Variants in PPP1R9A observed in about 807,000 individuals in gnomAD.
PPP1R9A encodes the protein protein phosphatase 1 regulatory subunit 9A, also known as neurabin-1.
PPP1R9A carries 59 observed loss-of-function variants against 141.9 expected under a neutral mutation model. The observed-to-expected ratio is 0.42, with a 90% CI of 0.34 to 0.52. PPP1R9A has a LOEUF of 0.52. PPP1R9A is among the 20% of genes least tolerant of loss of function. The pLI is 0.10. For missense variants in PPP1R9A, 1,444 were observed against 1,611.9 expected, an observed-to-expected ratio of 0.90 and a Z score of 1.78; for synonymous variants, 500 against 569.7, an observed-to-expected ratio of 0.88 and a Z score of 1.74.
At chr7:95,125,517 C>T (rs1823405439) in intron 4 of PPP1R9A, among the ~76,000 whole-genome samples, 1 of 152,026 alleles carries the variant, frequency 6.6e-6, no homozygotes, top group African/African-American at 2.4e-5. Context: ...AATGATTTTC[C>T]AGTCCTCATT....
At position 95,183,448 on chromosome 7, in the gene PPP1R9A, C is replaced by CTTTT. The variant is rs766642929; in HGVS notation, c.1755-14884_1755-14881dup. Among the ~76,000 whole-genome samples, 283 of 102,980 alleles carry CTTTT rather than the reference C, an allele frequency of 2.7e-3. 5 individuals are homozygous for CTTTT. The highest frequency in any genetic ancestry group is 4.3e-3 in the Non-Finnish European group (231 of 53,918). 67.6% of individuals were successfully genotyped at this position (102,980 alleles called of 152,430 possible). The stretch of plus-strand genomic sequence containing the variant: ...AGTCACCCTTCCTGGCAAAAATATT[C>CTTTT]TTTTTTTTTTTTTTTTTTTTGAGAC... On this transcript the variant is annotated intron_variant, in intron 5 of 19. Transcript: ENST00000433360.
At chr7:95,084,284 GCA>G (rs1319907284) in intron 2 of PPP1R9A, among the ~76,000 whole-genome samples, 1 of 151,986 alleles carries the variant, frequency 6.6e-6, no homozygotes, top group Non-Finnish European at 1.5e-5. Flanking sequence ...ATACCTAAGG[GCA>G]GAGAACTTAG....
intron 8 of PPP1R9A, among the ~76,000 whole-genome samples, chr7:95,241,062 A>T (rs1797383723): frequency 6.6e-6 from 1 of 152,136 alleles, no homozygotes; most frequent in Admixed American, 6.6e-5. Flanking sequence ...TAGCAGTCTG[A>T]CATCTAGGGC....
chr7:95,036,215 A>G (rs1411829256), intron 2 of PPP1R9A: 1 of 152,226 alleles, frequency 6.6e-6, no homozygotes, highest in African/African-American at 2.4e-5. Context: ...AAATAGGACA[A>G]GTAAAATAGA....
chr7:95,266,646 T>A (rs1051632707), intron 12 of PPP1R9A, among the ~76,000 whole-genome samples: 1 of 152,104 alleles, frequency 6.6e-6, no homozygotes, highest in Non-Finnish European at 1.5e-5. Context: ...GATTGGTACC[T>A]CATGGGGCTG....
chr7:95,113,781 G>A (rs1820989891), intron 3 of PPP1R9A, among the ~76,000 whole-genome samples: 1 of 152,162 alleles, frequency 6.6e-6, no homozygotes, highest in Non-Finnish European at 1.5e-5. Flanking sequence ...GTAATTCACT[G>A]TCCAATTTAG....
At chr7:95,034,984 C>T (rs1273537350) in intron 2 of PPP1R9A, among the ~76,000 whole-genome samples, 2 of 152,110 alleles carry the variant, frequency 1.3e-5, no homozygotes, top group African/African-American at 4.8e-5. Context: ...TGATCTGAAC[C>T]AGGCTGTGTT....
chr7:95,050,308 A>T (rs901909643), intron 2 of PPP1R9A, among the ~76,000 whole-genome samples: 2 of 152,052 alleles, frequency 1.3e-5, no homozygotes, highest in Non-Finnish European at 2.9e-5. Context: ...CTGTTTAATC[A>T]AATTGATTGT....
intron 7 of PPP1R9A, among the ~76,000 whole-genome samples, chr7:95,225,033 C>T (rs1001056198): frequency 1.3e-5 from 2 of 151,928 alleles, no homozygotes; most frequent in African/African-American, 4.8e-5. Flanking sequence ...CTTGATGCTG[C>T]CAGGAGAGGA....
intron 2 of PPP1R9A, among the ~76,000 whole-genome samples, chr7:95,002,297 A>G (rs911585685): frequency 2.6e-5 from 4 of 152,214 alleles, no homozygotes; most frequent in African/African-American, 9.6e-5. Flanking sequence ...TCATATGTTG[A>G]TATGAACTAT....
At chr7:95,206,354 T>A (rs984655518) in intron 7 of PPP1R9A, among the ~76,000 whole-genome samples, 1 of 152,186 alleles carries the variant, frequency 6.6e-6, no homozygotes, top group South Asian at 2.1e-4. Context: ...GGGATTTTTT[T>A]AATGGATTTA....
At chr7:95,209,375 G>T (rs999928115) in intron 7 of PPP1R9A, among the ~76,000 whole-genome samples, 8 of 152,176 alleles carry the variant, frequency 5.3e-5, no homozygotes, top group Non-Finnish European at 5.9e-5. Context: ...CCCAGCCTCA[G>T]ACCTACCAAA....
In PPP1R9A at chr7:94,910,240, C is replaced by CA; in HGVS notation, c.133dup (p.Thr45AsnfsTer5). ...TGACAAACCCAAGTCAGATGGGGAA[C>CA]AAAAAACAAAAGAAGGTGAGGGCTC... On this transcript the variant is annotated frameshift_variant, in exon 2 of 20. Transcript: ENST00000433360. LOFTEE classifies it high-confidence loss of function. This position sits in a 1 kb window ranked among gnomAD's most constrained non-coding sequence, Gnocchi z 4.5. 6.2e-7 allele frequency: 1 copy of CA among 1,613,764 alleles called. No homozygotes were observed. The highest frequency in any genetic ancestry group is 8.5e-7 in the Non-Finnish European group (1 of 1,179,904).
At chr7:95,142,205 G>A (rs1181740789) in intron 4 of PPP1R9A, among the ~76,000 whole-genome samples, 3 of 151,986 alleles carry the variant, frequency 2.0e-5, no homozygotes, top group Non-Finnish European at 2.9e-5. Context: ...TTAAAATTCG[G>A]TTGTTTTATT....
chr7:95,253,739 A>G (rs192427732), intron 12 of PPP1R9A, among the ~76,000 whole-genome samples: 196 of 152,252 alleles, frequency 1.3e-3, no homozygotes, highest in African/African-American at 4.2e-3. Context: ...GCTCTTATGG[A>G]ATTATAATTT....
intron 2 of PPP1R9A, among the ~76,000 whole-genome samples, chr7:94,969,814 G>A (rs947154877): frequency 1.3e-5 from 2 of 152,150 alleles, no homozygotes; most frequent in African/African-American, 4.8e-5. Flanking sequence ...TCTGACTGGG[G>A]CTGCTGCCTT....
intron 2 of PPP1R9A, among the ~76,000 whole-genome samples, chr7:94,944,256 A>G (rs1278929594): frequency 6.6e-6 from 1 of 151,814 alleles, no homozygotes; most frequent in Admixed American, 6.6e-5. Flanking sequence ...TCCTCATTGA[A>G]TTTTTCCTGC....
chr7:95,062,624 G>A (rs1177211714), intron 2 of PPP1R9A, among the ~76,000 whole-genome samples: 1 of 151,854 alleles, frequency 6.6e-6, no homozygotes, highest in East Asian at 1.9e-4. Flanking sequence ...CTGACCTCAG[G>A]TGATCTGCCC....
At chr7:95,004,228 A>C (rs1049902275) in intron 2 of PPP1R9A, among the ~76,000 whole-genome samples, 1 of 152,152 alleles carries the variant, frequency 6.6e-6, no homozygotes, top group Non-Finnish European at 1.5e-5. Flanking sequence ...GCATCACTTC[A>C]AACTAAAGAT....
Sources: allele counts gnomAD v4.1 joint callset (sites outside exome capture counted in the v4.1 genomes callset), GRCh38; gene constraint gnomAD v4.1.1; non-coding constraint Gnocchi (gnomAD v3.1); transcripts MANE v1.5; gene names NCBI Gene and HGNC (gene_info 2026-07-23, HGNC 2026-07-21).